TRDN: variants seen among roughly 807,000 people sequenced by gnomAD.
TRDN encodes the protein triadin in skeletal muscle.
In TRDN, 161 loss-of-function variants were observed where a neutral mutation model predicts 149.7. The observed-to-expected ratio is 1.08, with a 90% CI of 0.95 to 1.23. The LOEUF (loss-of-function observed/expected upper bound fraction) is 1.23. Ranked by LOEUF, TRDN falls within the 50% of genes most tolerant of loss-of-function variation. TRDN has a pLI of 0.00. For missense variants in TRDN, 896 were observed against 823.5 expected (o/e 1.09, Z -1.08); for synonymous variants, 294 against 250.5 (o/e 1.17, Z -1.64).
chr6:123,418,574 G>A (rs1389777324), intron 12 of TRDN: 2 of 152,022 alleles, frequency 1.3e-5, no homozygotes, highest in Non-Finnish European at 2.9e-5. Context: ...CTCACCCTCA[G>A]CTCCCATGGA....
intron 1 of TRDN, among the ~76,000 whole-genome samples, chr6:123,596,587 AG>A (rs1391444006): frequency 6.6e-6 from 1 of 152,130 alleles, no homozygotes; most frequent in East Asian, 1.9e-4. Flanking sequence ...AAAGCTTCAA[AG>A]GACAGGCTAA....
chr6:123,276,212 A>G (rs1398146814), intron 26 of TRDN, among the ~76,000 whole-genome samples: 3 of 152,284 alleles, frequency 2.0e-5, no homozygotes, highest in Admixed American at 6.5e-5. Context: ...CAAATCATAT[A>G]GATATATATT....
chr6:123,365,622 T>C (rs1781066958), intron 20 of TRDN, among the ~76,000 whole-genome samples: 1 of 152,190 alleles, frequency 6.6e-6, no homozygotes, highest in Non-Finnish European at 1.5e-5. Flanking sequence ...TGTCTCTTGA[T>C]ATACTTCCAA....
chr6:123,543,081 G>A (rs1460409826), intron 4 of TRDN, among the ~76,000 whole-genome samples: 1 of 151,878 alleles, frequency 6.6e-6, no homozygotes, highest in African/African-American at 2.4e-5. Flanking sequence ...AATATACAAT[G>A]CCCCAACTAT....
At chr6:123,351,409 G>A in intron 21 of TRDN, 1 of 984,742 alleles carries the variant, frequency 1.0e-6, no homozygotes, top group Non-Finnish European at 1.2e-6. Flanking sequence ...AGGATCCAGT[G>A]CTCCCACTTT....
At chr6:123,580,085 G>C (rs929097003) in intron 1 of TRDN, among the ~76,000 whole-genome samples, 4 of 152,098 alleles carry the variant, frequency 2.6e-5, no homozygotes, top group African/African-American at 9.7e-5. Flanking sequence ...AATGGTACCA[G>C]CTCTTCTTTG....
chr6:123,283,541 G>T (rs920759783), intron 24 of TRDN, among the ~76,000 whole-genome samples: 9 of 151,382 alleles, frequency 5.9e-5, no homozygotes, highest in African/African-American at 2.2e-4. Flanking sequence ...ATGGTTCTTT[G>T]AAAAGATAAA....
At chr6:123,631,346 T>C (rs1297332514) in intron 1 of TRDN, among the ~76,000 whole-genome samples, 1 of 152,018 alleles carries the variant, frequency 6.6e-6, no homozygotes, top group African/African-American at 2.4e-5. Context: ...GTTGACTTCT[T>C]AGGCTTTCAA....
intron 21 of TRDN, among the ~76,000 whole-genome samples, chr6:123,341,325 T>A (rs1413733625): frequency 6.6e-6 from 1 of 151,932 alleles, no homozygotes; most frequent in African/African-American, 2.4e-5. Context: ...TAATGATACA[T>A]TTAACTGTTT....
intron 4 of TRDN, among the ~76,000 whole-genome samples, chr6:123,545,477 T>A (rs1362293891): frequency 6.6e-6 from 1 of 151,938 alleles, no homozygotes; most frequent in Non-Finnish European, 1.5e-5. Flanking sequence ...TCTTCTTGAA[T>A]TCACTTTCAA....
chr6:123,431,246 T>G (rs1774328422), intron 12 of TRDN, among the ~76,000 whole-genome samples: 1 of 152,190 alleles, frequency 6.6e-6, no homozygotes, highest in South Asian at 2.1e-4. Flanking sequence ...GGAGCCTCAC[T>G]AAGTCAAGGC....
intron 10 of TRDN, among the ~76,000 whole-genome samples, chr6:123,463,332 C>T (rs575448168): frequency 3.4e-5 from 5 of 147,514 alleles, no homozygotes; most frequent in South Asian, 4.3e-4. Context: ...AGCAAGACTC[C>T]GTCTCAAGAA....
At chr6:123,222,297 C>T (rs900701662) in intron 39 of TRDN, among the ~76,000 whole-genome samples, 3 of 151,396 alleles carry the variant, frequency 2.0e-5, no homozygotes, top group African/African-American at 7.3e-5. Context: ...TAGAGCGGTT[C>T]CCCTCAGAGT....
At chr6:123,590,172 C>G (rs1024318600) in intron 1 of TRDN, among the ~76,000 whole-genome samples, 29 of 152,282 alleles carry the variant, frequency 1.9e-4, no homozygotes, top group African/African-American at 6.7e-4. Flanking sequence ...GGGCAGGCAA[C>G]ACTTTATCTG....
In TRDN at chr6:123,518,192, A is replaced by T. The variant is rs532545334; in HGVS notation, c.485-1986T>A. Among the ~76,000 whole-genome samples the T allele has an allele frequency of 2.0e-5, 3 of 152,228 alleles. No individual in the cohort carries two copies. The South Asian group carries it at 6.2e-4, about 32-fold the overall frequency. ...AATGAGAAAAAGGAGAAAAAAACTCACCTTAAAACATTGAGATATTATTTT... is the reference window on the plus strand; with the variant it reads ...AATGAGAAAAAGGAGAAAAAAACTCTCCTTAAAACATTGAGATATTATTTT... On this transcript the variant is annotated intron_variant, in intron 5 of 40. Transcript: ENST00000334268.
At chr6:123,230,490 A>G (rs898507443) in intron 38 of TRDN, among the ~76,000 whole-genome samples, 2 of 151,744 alleles carry the variant, frequency 1.3e-5, no homozygotes, top group African/African-American at 4.8e-5. Flanking sequence ...TACATATGTA[A>G]CAAACCTGCA....
At chr6:123,586,532 G>T (rs570004603) in intron 1 of TRDN, among the ~76,000 whole-genome samples, 3 of 152,234 alleles carry the variant, frequency 2.0e-5, no homozygotes, top group Admixed American at 2.0e-4. Flanking sequence ...CAGACCATTT[G>T]CCCATTTTAC....
intron 38 of TRDN, among the ~76,000 whole-genome samples, chr6:123,250,782 G>A (rs1262369124): frequency 2.0e-5 from 3 of 151,730 alleles, no homozygotes; most frequent in Admixed American, 2.0e-4. Context: ...ATAATTCCTT[G>A]ACTTTTTACT....
At chr6:123,567,124 A>G (rs1198575052) in intron 2 of TRDN, among the ~76,000 whole-genome samples, 4 of 152,336 alleles carry the variant, frequency 2.6e-5, no homozygotes, top group Middle Eastern at 3.4e-3. Context: ...GCTCAAGGGA[A>G]ATGAAATTTT....
Sources: gnomAD v4.1 joint callset for allele counts (sites outside exome capture counted in the v4.1 genomes callset) on GRCh38, gnomAD v4.1.1 for gene constraint, MANE v1.5 for transcripts, NCBI Gene and HGNC (gene_info 2026-07-23, HGNC 2026-07-21) for gene names.